Variants in AP2A2 observed in about 807,000 individuals in gnomAD.
AP2A2 encodes the protein adaptor related protein complex 2 subunit alpha 2, also known as AP-2 complex subunit alpha-2.
AP2A2 carries 32 observed loss-of-function variants against 104.2 expected under a neutral mutation model. The ratio of observed to expected loss-of-function variants is 0.31; its 90% CI spans 0.23 to 0.41. AP2A2 has a LOEUF of 0.41. Ranked by LOEUF, AP2A2 falls within the 10% of genes least tolerant of loss-of-function variation. AP2A2 has a pLI of 1.00. For missense variants in AP2A2, 912 were observed against 1,261.0 expected, an observed-to-expected ratio of 0.72 and a Z score of 4.19; for synonymous variants, 539 against 533.3, an observed-to-expected ratio of 1.01 and a Z score of -0.15.
In AP2A2 at chr11:992,924, C is replaced by T. The variant is rs1004786944; in HGVS notation, c.1452+239C>T. On this transcript the variant is annotated intron_variant, in intron 11 of 21. Coordinates refer to ENST00000448903, the MANE Select transcript of AP2A2 (RefSeq NM_012305.4). The surrounding 1 kb of genome is among the most constrained non-coding windows in gnomAD (Gnocchi z 6.4). ...CTGGGGGCCACCTGAGAAAGCCGGC[C>T]TCTGTGTGTGTGAGAGCATGCTGGG... Among the ~76,000 whole-genome samples, 1 of 152,156 alleles carries T rather than the reference C, an allele frequency of 6.6e-6. No individual in the cohort carries two copies. The highest frequency in any genetic ancestry group is 2.4e-5 in the African/African-American group (1 of 41,442).
At chr11:937,565 G>A (rs894414393) in intron 1 of AP2A2, among the ~76,000 whole-genome samples, 1 of 152,176 alleles carries the variant, frequency 6.6e-6, no homozygotes, top group Non-Finnish European at 1.5e-5. Context: ...CCACGTTTGC[G>A]CCATTGCGCA....
At chr11:937,559 G>A (rs1055618055) in intron 1 of AP2A2, among the ~76,000 whole-genome samples, 6 of 152,208 alleles carry the variant, frequency 3.9e-5, no homozygotes, top group Non-Finnish European at 5.9e-5. Flanking sequence ...AGCGAGCCAC[G>A]TTTGCGCCAT....
Position 1,009,350 on chromosome 11 carries a change from A to G in AP2A2, c.2560A>G (p.Ile854Val), listed in dbSNP as rs762892983. ...LSNPQQEVQNIFKAKHPMDTE... is the reference protein window; with the variant it reads ...LSNPQQEVQNVFKAKHPMDTE... ...CAGTCCACAGCAGGAAGTGCAGAAC[A>G]TCTTCAAAGCAAAGCACCCAATGGA... Residue 854 changes from isoleucine (I) to valine (V), a missense_variant, in exon 20 of 22, where the codon ATC (isoleucine) becomes GTC (valine). Physicochemically the swap from Ile to Val is conservative, Grantham distance 29 (BLOSUM62 3). This residue lies in a region of AP2A2 where 239 missense variants were observed against 329.8 expected (regional missense o/e 0.72). Transcript: ENST00000448903. The G allele has an allele frequency of 1.2e-5, 19 of 1,613,670 alleles. No individual in the cohort carries two copies. In the Admixed American group the frequency reaches 2.7e-4, roughly 23 times the overall value.
At position 1,011,801 on chromosome 11, in the gene AP2A2, G is replaced by A. The variant is rs1590030390; in HGVS notation, c.*1176G>A. ...CCTGGCCCTCAGTTGCCTGCTGTGC[G>A]GGTCCCTGGGGCAGCTGCAGGGGCT... On this transcript the variant is annotated 3_prime_UTR_variant, in exon 22 of 22. Transcript: ENST00000448903. 9.9e-6 allele frequency: 3 copies of A among 303,332 alleles called. No individual in the cohort carries two copies. Among genetic ancestry groups the A allele is most frequent in the Non-Finnish European group, 1.9e-5 (3 of 154,040 alleles). The allele number at this position is 303,332 out of a possible 1,614,324, so 18.8% of individuals were successfully genotyped here.
intron 3 of AP2A2, 77 bp from the exon 4 acceptor site, chr11:971,985 G>C: frequency 7.1e-7 from 1 of 1,409,108 alleles, no homozygotes; most frequent in South Asian, 1.4e-5. Context: ...GTGTGTCACT[G>C]ATTGTTGGGT....
At chr11:972,590 G>C (rs1309493214) in intron 4 of AP2A2, among the ~76,000 whole-genome samples, 18 of 152,178 alleles carry the variant, frequency 1.2e-4, no homozygotes, top group Admixed American at 1.2e-3. Flanking sequence ...CCAGCTACTT[G>C]GTAGGCTGAG....
intron 1 of AP2A2, among the ~76,000 whole-genome samples, chr11:931,317 A>C (rs1853285456): frequency 6.6e-6 from 1 of 152,226 alleles, no homozygotes; most frequent in African/African-American, 2.4e-5. Context: ...TTGTTTTTAC[A>C]CAAATGACAT....
intron 14 of AP2A2, among the ~76,000 whole-genome samples, chr11:998,720 T>C (rs1417197756): frequency 6.6e-6 from 1 of 151,916 alleles, no homozygotes; most frequent in East Asian, 1.9e-4. Context: ...TGGTGTATAG[T>C]GTCAAAGTGT....
chr11:1,008,692 A>G (rs977855345), intron 18 of AP2A2: 19 of 233,964 alleles, frequency 8.1e-5, no homozygotes, highest in Non-Finnish European at 1.2e-4. Flanking sequence ...AGAAAAGCAC[A>G]CTTTCTAACA....
At chr11:1,006,835 C>T (rs1319502375) in intron 17 of AP2A2, 1 of 555,966 alleles carries the variant, frequency 1.8e-6, no homozygotes, top group African/African-American at 1.9e-5. Flanking sequence ...TGATCATGCA[C>T]CTAAAAATAC....
chr11:952,262 C>A (rs1854077689), intron 1 of AP2A2, among the ~76,000 whole-genome samples: 1 of 152,214 alleles, frequency 6.6e-6, no homozygotes, highest in Non-Finnish European at 1.5e-5. Context: ...ATTTTATAAT[C>A]ATCTGTCATA....
At position 925,906 on chromosome 11, in the gene AP2A2, AGGCGGCTCCCC is replaced by A. The variant is rs997089254; in HGVS notation, c.-106_-96del. The stretch of plus-strand genomic sequence containing the variant: ...CTGGGACCCTGAGGCGGCCGTGGTT[AGGCGGCTCCCC>A]GGCGGCTCCTCCGCGGCGGTGACGG... On this transcript the variant is annotated 5_prime_UTR_variant, in exon 1 of 22. Coordinates refer to ENST00000448903, the MANE Select transcript of AP2A2 (RefSeq NM_012305.4). The A allele has an allele frequency of 4.1e-6, 3 of 740,308 alleles. No individual in the cohort carries two copies. The highest frequency in any genetic ancestry group is 3.8e-5 in the East Asian group (1 of 26,242). 45.9% of individuals were successfully genotyped at this position (740,308 alleles called of 1,614,324 possible). A position where few individuals can be genotyped will look rare whatever the true frequency, so the allele number is the denominator to read the frequency against.
At chr11:943,120 C>T (rs1412330375) in intron 1 of AP2A2, 8 of 152,172 alleles carry the variant, frequency 5.3e-5, no homozygotes, top group African/African-American at 1.9e-4. Flanking sequence ...CAATATTACA[C>T]TGTAGCAGGA....
At chr11:948,766 C>G (rs1285710491) in intron 1 of AP2A2, among the ~76,000 whole-genome samples, 3 of 152,056 alleles carry the variant, frequency 2.0e-5, no homozygotes, top group African/African-American at 7.2e-5. Context: ...ACTTGGGAGG[C>G]TGAGGCAGGA....
At position 1,000,561 on chromosome 11, in the gene AP2A2, G is replaced by A. The variant is rs866616950; in HGVS notation, c.2086G>A (p.Ala696Thr). 3.9e-6 allele frequency: 6 copies of A among 1,550,480 alleles called. No homozygotes were observed. The highest frequency in any genetic ancestry group is 2.4e-5 in the East Asian group (1 of 41,982). The change falls in exon 15 of 22, where the codon GCG (alanine) becomes ACG (threonine). Residue 696 changes from alanine (A) to threonine (T), a missense_variant. Ala to Thr is a moderately conservative substitution (Grantham distance 58, BLOSUM62 0). Transcript: ENST00000448903. ...GTTCTCAGACTCGGCCTCTGTGGTC[G>A]CGCCTCTCGCTCCTGGCTCCGAAGA... ...DVFSDSASVV[A>T]PLAPGSEDNF... is the part of the protein sequence containing the mutation.
intron 14 of AP2A2, among the ~76,000 whole-genome samples, chr11:1,000,088 G>A (rs891751049): frequency 3.9e-5 from 6 of 152,172 alleles, no homozygotes; most frequent in Non-Finnish European, 8.8e-5. Context: ...TGACAGGTGT[G>A]AGCCACCGCG....
intron 1 of AP2A2, among the ~76,000 whole-genome samples, chr11:948,987 TAAAG>T (rs1483039806): frequency 6.7e-6 from 1 of 149,934 alleles, no homozygotes; most frequent in African/African-American, 2.5e-5. Flanking sequence ...ACCAAACACT[TAAAG>T]AATTAATACC....
intron 1 of AP2A2, among the ~76,000 whole-genome samples, chr11:952,857 G>A (rs1177435764): frequency 6.6e-6 from 1 of 152,136 alleles, no homozygotes; most frequent in African/African-American, 2.4e-5. Context: ...TCTGTTCCCG[G>A]CACGGTGGGG....
chr11:988,344 T>C (rs938399137), intron 9 of AP2A2, among the ~76,000 whole-genome samples: 1 of 152,136 alleles, frequency 6.6e-6, no homozygotes, highest in Non-Finnish European at 1.5e-5. Context: ...AGCTGGCCTG[T>C]GCGGGAGGGC....
Sources: gnomAD v4.1 joint callset for allele counts (sites outside exome capture counted in the v4.1 genomes callset) on GRCh38, gnomAD v4.1.1 for gene constraint, gnomAD v4.1.1 regional missense constraint, Gnocchi (gnomAD v3.1) non-coding constraint, MANE v1.5 for transcripts, NCBI Gene and HGNC (gene_info 2026-07-23, HGNC 2026-07-21) for gene names.